PLCXD3: variants seen among roughly 807,000 people sequenced by gnomAD.
The protein encoded by PLCXD3 is phosphatidylinositol specific phospholipase C X domain containing 3.
A neutral mutation model predicts 25.5 loss-of-function variants in PLCXD3; 19 were observed. The observed-to-expected ratio is 0.75, with a 90% CI of 0.52 to 1.09. The LOEUF (loss-of-function observed/expected upper bound fraction) is 1.09, where lower values mean the gene tolerates loss of function less well. Ranked by LOEUF, PLCXD3 falls within the 50% of genes least tolerant of loss-of-function variation. PLCXD3 has a pLI of 0.00. For missense variants in PLCXD3, 411 were observed against 388.1 expected (o/e 1.06, Z -0.50); for synonymous variants, 174 against 137.6 (o/e 1.26, Z -1.85).
At chr5:41,400,042 A>G (rs1321062765) in intron 1 of PLCXD3, among the ~76,000 whole-genome samples, 1 of 152,160 alleles carries the variant, frequency 6.6e-6, no homozygotes, top group Non-Finnish European at 1.5e-5. Flanking sequence ...CTGAATAGAC[A>G]CTTCTCAAAA....
At chr5:41,437,330 G>A (rs1041512749) in intron 1 of PLCXD3, among the ~76,000 whole-genome samples, 1 of 152,214 alleles carries the variant, frequency 6.6e-6, no homozygotes, top group Non-Finnish European at 1.5e-5. Context: ...ATTCAAATAC[G>A]TGGTGATAGA....
At chr5:41,492,311 G>C (rs1382959509) in intron 1 of PLCXD3, among the ~76,000 whole-genome samples, 2 of 152,200 alleles carry the variant, frequency 1.3e-5, no homozygotes, top group Non-Finnish European at 2.9e-5. Flanking sequence ...TCCGCTGTTA[G>C]TCTGATGGGC....
At chr5:41,436,210 G>C (rs575905478) in intron 1 of PLCXD3, among the ~76,000 whole-genome samples, 2 of 151,902 alleles carry the variant, frequency 1.3e-5, no homozygotes, top group South Asian at 4.2e-4. Context: ...ACCCTTAAAA[G>C]TATCTTAGCA....
intron 1 of PLCXD3, among the ~76,000 whole-genome samples, chr5:41,478,021 G>A (rs1248873080): frequency 1.3e-5 from 2 of 152,128 alleles, no homozygotes; most frequent in Non-Finnish European, 2.9e-5. Context: ...CATGGCTTAG[G>A]GACATAGAAA....
chr5:41,323,425 A>T (rs1304703849), intron 2 of PLCXD3, among the ~76,000 whole-genome samples: 1 of 152,238 alleles, frequency 6.6e-6, no homozygotes, highest in Non-Finnish European at 1.5e-5. Flanking sequence ...CCCATTCTTC[A>T]CAGTAAGCTT....
chr5:41,450,594 T>C (rs919067068), intron 1 of PLCXD3, among the ~76,000 whole-genome samples: 2 of 152,074 alleles, frequency 1.3e-5, no homozygotes, highest in Non-Finnish European at 2.9e-5. Flanking sequence ...GTCTCTCTAG[T>C]AGTAAAGAAA....
At chr5:41,383,882 C>G (rs1309400437) in intron 1 of PLCXD3, among the ~76,000 whole-genome samples, 1 of 151,832 alleles carries the variant, frequency 6.6e-6, no homozygotes, top group Non-Finnish European at 1.5e-5. Context: ...GCAATATATA[C>G]CTACGTCTAT....
In PLCXD3 at chr5:41,336,148, A is replaced by G. The variant is rs117805403; in HGVS notation, c.813-22378T>C. Among the ~76,000 whole-genome samples the G allele has an allele frequency of 6.8e-3, 1,034 of 152,214 alleles. 54 individuals carry two copies. In the East Asian group the frequency reaches 0.12, roughly 18 times the overall value. On this transcript the variant is annotated intron_variant, in intron 2 of 2. Transcript: ENST00000377801. ...AGGTTATTTAACTTCCCCAATTCTCATCTTCCTCGTTGTATAATGACAATA... is the reference window on the plus strand; with the variant it reads ...AGGTTATTTAACTTCCCCAATTCTCGTCTTCCTCGTTGTATAATGACAATA...
chr5:41,506,566 T>C (rs922154536), intron 1 of PLCXD3, among the ~76,000 whole-genome samples: 12 of 152,184 alleles, frequency 7.9e-5, no homozygotes, highest in Non-Finnish European at 1.5e-5. Context: ...TCCTAGACAT[T>C]GACTCCTTCC....
intron 1 of PLCXD3, among the ~76,000 whole-genome samples, chr5:41,412,542 G>A (rs1293626732): frequency 1.3e-5 from 2 of 152,192 alleles, no homozygotes; most frequent in East Asian, 3.8e-4. Context: ...CATGAGAGCT[G>A]TTAGTGGGAA....
chr5:41,440,783 A>G (rs949197328), intron 1 of PLCXD3, among the ~76,000 whole-genome samples: 8 of 151,854 alleles, frequency 5.3e-5, no homozygotes, highest in Admixed American at 2.0e-4. Flanking sequence ...TCTTTCTCCA[A>G]CCAACCCACA....
intron 2 of PLCXD3, among the ~76,000 whole-genome samples, chr5:41,378,044 G>A (rs1024149154): frequency 6.6e-6 from 1 of 152,068 alleles, no homozygotes; most frequent in Admixed American, 6.6e-5. Flanking sequence ...TTGCACAAAA[G>A]CGAGGACAAT....
chr5:41,351,734 T>C (rs1744466735), intron 2 of PLCXD3, among the ~76,000 whole-genome samples: 1 of 152,212 alleles, frequency 6.6e-6, no homozygotes, highest in South Asian at 2.1e-4. Context: ...TTATCATTGA[T>C]TCAATGAATA....
At chr5:41,495,348 C>T (rs1748810594) in intron 1 of PLCXD3, among the ~76,000 whole-genome samples, 1 of 152,186 alleles carries the variant, frequency 6.6e-6, no homozygotes. Flanking sequence ...TTTTGGGCAA[C>T]TTGCTGCCCC....
chr5:41,424,205 A>G (rs937207561), intron 1 of PLCXD3, among the ~76,000 whole-genome samples: 4 of 152,122 alleles, frequency 2.6e-5, no homozygotes, highest in Non-Finnish European at 5.9e-5. Context: ...AGATGATTAT[A>G]TTATTACTTT....
chr5:41,464,273 T>A (rs1301511796), intron 1 of PLCXD3, among the ~76,000 whole-genome samples: 1 of 152,062 alleles, frequency 6.6e-6, no homozygotes, highest in Non-Finnish European at 1.5e-5. Context: ...AATTACCTAC[T>A]TAGTTAAGCT....
At chr5:41,394,869 G>T (rs1395331362) in intron 1 of PLCXD3, among the ~76,000 whole-genome samples, 3 of 152,090 alleles carry the variant, frequency 2.0e-5, no homozygotes, top group Non-Finnish European at 4.4e-5. Context: ...CCCCAATACA[G>T]TAATAGCTGA....
intron 1 of PLCXD3, among the ~76,000 whole-genome samples, chr5:41,385,152 A>G (rs1367233825): frequency 6.6e-6 from 1 of 152,126 alleles, no homozygotes; most frequent in Non-Finnish European, 1.5e-5. Context: ...AGGACTTCAT[A>G]ACCATTCAAT....
chr5:41,474,104 A>G (rs1748229834), intron 1 of PLCXD3, among the ~76,000 whole-genome samples: 1 of 152,212 alleles, frequency 6.6e-6, no homozygotes, highest in Non-Finnish European at 1.5e-5. Context: ...TGAAAACTTA[A>G]GACAAAGGAA....
Sources: gnomAD v4.1 joint callset for allele counts (sites outside exome capture counted in the v4.1 genomes callset) on GRCh38, gnomAD v4.1.1 for gene constraint, MANE v1.5 for transcripts, NCBI Gene and HGNC (gene_info 2026-07-23, HGNC 2026-07-21) for gene names.